Variants in TRIM63 observed in about 807,000 individuals in gnomAD.
TRIM63 encodes the protein tripartite motif containing 63.
In TRIM63, 48 loss-of-function variants were observed where a neutral mutation model predicts 46.0. The ratio of observed to expected loss-of-function variants is 1.04; its 90% CI spans 0.83 to 1.33. The LOEUF (loss-of-function observed/expected upper bound fraction) is 1.33. TRIM63 is among the 40% of genes most tolerant of loss of function. The probability of loss-of-function intolerance (pLI) is 0.00; values close to 1 mark genes in which losing one functional copy is unlikely to be tolerated. For missense variants in TRIM63, 455 were observed against 441.2 expected (o/e 1.03, Z -0.28); for synonymous variants, 175 against 162.8 (o/e 1.08, Z -0.57).
intron 3 of TRIM63, among the ~76,000 whole-genome samples, chr1:26,060,911 G>T (rs2050618031): frequency 6.6e-6 from 1 of 152,168 alleles, no homozygotes; most frequent in Non-Finnish European, 1.5e-5. Context: ...GACCCCAGTG[G>T]CCTGGCTGGG....
intron 6 of TRIM63, 106 bp from the exon 7 acceptor site, chr1:26,057,433 C>A: frequency 6.8e-7 from 1 of 1,473,312 alleles, no homozygotes. Flanking sequence ...CAGAGGCTCC[C>A]CTGGAGGGAT....
At chr1:26,060,604 C>A (rs555762751) in intron 3 of TRIM63, among the ~76,000 whole-genome samples, 2 of 152,258 alleles carry the variant, frequency 1.3e-5, no homozygotes, top group South Asian at 4.1e-4. Flanking sequence ...AAACACACAG[C>A]AAGGAACTGA....
In TRIM63 at chr1:26,066,456, G is replaced by A. The variant is rs2050679363; in HGVS notation, c.160-16C>T. The A allele has an allele frequency of 6.4e-7, 1 of 1,557,068 alleles. No homozygotes were observed. Among genetic ancestry groups the A allele is most frequent in the Non-Finnish European group, 8.7e-7 (1 of 1,150,608 alleles). On this transcript the variant is annotated splice_polypyrimidine_tract_variant and intron_variant, in intron 1 of 8. Transcript: ENST00000374272. ...GATTTGCAGCCTGCAGGTGGCAAAG[G>A]TCAAGGTGAGGCCTGGGCTCCCTAC... is the stretch of plus-strand genomic sequence containing the variant.
chr1:26,062,752 G>A (rs1177363521), intron 2 of TRIM63, among the ~76,000 whole-genome samples: 1 of 152,058 alleles, frequency 6.6e-6, no homozygotes, highest in Admixed American at 6.6e-5. Flanking sequence ...TAGATTCATT[G>A]GGGCCTGGGG....
At position 26,058,399 on chromosome 1, in the gene TRIM63, G is replaced by A. The variant is rs372439681; in HGVS notation, c.822C>T (p.Thr274=). The A allele has an allele frequency of 1.9e-5, 31 of 1,614,002 alleles. No homozygotes were observed. In the African/African-American group the frequency reaches 4.0e-4, roughly 21 times the overall value. The part of the protein sequence containing the change: ...IQSLDEPGGA[T]FLLTAKQLIK... Reference sequence around the variant, plus strand: ...TTCTAGTCCTGCTCACCAAGAGGAAGGTGGCTCCCCCAGGCTCGTCCAGGG... The same window carrying A: ...TTCTAGTCCTGCTCACCAAGAGGAAAGTGGCTCCCCCAGGCTCGTCCAGGG... The change falls in exon 5 of 9, where the codon ACC becomes ACT. Residue 274 remains threonine, a synonymous_variant. Transcript: ENST00000374272.
At chr1:26,067,287 G>T in intron 1 of TRIM63, 49 bp downstream of exon 1, 1 of 1,603,302 alleles carries the variant, frequency 6.2e-7, no homozygotes, top group Non-Finnish European at 8.5e-7. Flanking sequence ...TCACAGGGAA[G>T]CCAAGTAGCC....
At chr1:26,062,101 C>G (rs1407078669) in intron 2 of TRIM63, among the ~76,000 whole-genome samples, 1 of 152,016 alleles carries the variant, frequency 6.6e-6, no homozygotes, top group Non-Finnish European at 1.5e-5. Context: ...AACCCCGTCT[C>G]TACTAAAAAC....
At chr1:26,062,405 A>C in intron 2 of TRIM63, among the ~76,000 whole-genome samples, 1 of 152,364 alleles carries the variant, frequency 6.6e-6, no homozygotes, top group Non-Finnish European at 1.5e-5. Context: ...TATTCACCAC[A>C]GAGTCAGTCA....
chr1:26,064,014 G>A (rs186021019), intron 2 of TRIM63, among the ~76,000 whole-genome samples: 8 of 152,320 alleles, frequency 5.3e-5, no homozygotes, highest in Admixed American at 2.0e-4. Context: ...TTCACCGGCC[G>A]GCCAGGCGCG....
At position 26,061,319 on chromosome 1, in the gene TRIM63, C is replaced by T. The variant is rs2050624225; in HGVS notation, c.348G>A (p.Lys116=). 4 of 1,614,078 alleles carry T rather than the reference C, an allele frequency of 2.5e-6. No individual in the cohort carries two copies. Among genetic ancestry groups the T allele is most frequent in the African/African-American group, 1.3e-5 (1 of 75,040 alleles). Residue 116 remains lysine, a synonymous_variant, in exon 3 of 9, where the codon AAG becomes AAA. Coordinates refer to ENST00000374272, the MANE Select transcript of TRIM63 (RefSeq NM_032588.4). ...KQECSSRPLQ[K]GSHPMCKEHE... is the part of the protein sequence containing the mutation. ...GCTCCTTGCACATGGGGTGACTGCC[C>T]TTCTGCAGCGGCCGACTGCAGTGGA...
chr1:26,061,828 C>T (rs1406768579), intron 2 of TRIM63, among the ~76,000 whole-genome samples: 1 of 152,222 alleles, frequency 6.6e-6, no homozygotes, highest in Non-Finnish European at 1.5e-5. Flanking sequence ...GAAATTTATA[C>T]TGATGGCCTC....
chr1:26,064,105 G>A (rs1023276725), intron 2 of TRIM63, among the ~76,000 whole-genome samples: 1 of 152,164 alleles, frequency 6.6e-6, no homozygotes, highest in Non-Finnish European at 1.5e-5. Context: ...AGACCAGCCC[G>A]GCCAACGTGG....
intron 2 of TRIM63, 152 bp downstream of exon 2, chr1:26,066,116 G>T (rs2124443999): frequency 2.3e-6 from 2 of 871,836 alleles, no homozygotes; most frequent in Non-Finnish European, 3.6e-6. Context: ...TGGGGTGTAT[G>T]GGTCTCCAGT....
intron 4 of TRIM63, 131 bp downstream of exon 4, chr1:26,060,135 G>A: frequency 1.6e-6 from 1 of 644,270 alleles, no homozygotes; most frequent in Non-Finnish European, 2.8e-6. Flanking sequence ...TCCCTCCCCT[G>A]CCATCCCTGC....
rs1402947249 is a variant in TRIM63, at chr1:26,066,330, G to A, written c.270C>T (p.Tyr90=). 12 of 1,614,120 alleles carry A rather than the reference G, an allele frequency of 7.4e-6. No individual in the cohort carries two copies. Among genetic ancestry groups the A allele is most frequent in the East Asian group, 4.5e-5 (2 of 44,880 alleles). The change falls in exon 2 of 9, where the codon TAC becomes TAT. Residue 90 remains tyrosine (Y), a synonymous_variant. Transcript: ENST00000374272. ...CCACCAGCAGGTTCCTCTGCAGGCC[G>A]TACACTCCGTGACGATCCATGATCA... ...HEVIMDRHGV[Y]GLQRNLLVEN... is the part of the protein sequence containing the mutation.
Position 26,051,687 on chromosome 1 carries a change from G to A in TRIM63, c.*186C>T, listed in dbSNP as rs1276244207. On this transcript the variant is annotated 3_prime_UTR_variant, in exon 9 of 9. Transcript: ENST00000374272. ...CGTTTCCAATTCTGGTTCAGTGTCT[G>A]CTGGACGCAGCGGTGAGGGTCCTAC... 3 of 418,194 alleles carry A rather than the reference G, an allele frequency of 7.2e-6. No individual in the cohort carries two copies. Among genetic ancestry groups the A allele is most frequent in the Non-Finnish European group, 4.3e-6 (1 of 232,242 alleles). 25.9% of individuals were successfully genotyped at this position (418,194 alleles called of 1,614,324 possible).
chr1:26,055,936 G>T (rs1466380024), intron 7 of TRIM63, among the ~76,000 whole-genome samples: 1 of 152,188 alleles, frequency 6.6e-6, no homozygotes, highest in Non-Finnish European at 1.5e-5. Context: ...TATGAATGGG[G>T]TATATCTGGG....
In TRIM63 at chr1:26,065,235, T is replaced by G. The variant is rs372515499; in HGVS notation, c.332+1033A>C. Among the ~76,000 whole-genome samples the G allele has an allele frequency of 9.9e-5, 15 of 152,120 alleles. No homozygotes were observed. The East Asian group carries it at 2.9e-3, about 29-fold the overall frequency. On this transcript the variant is annotated intron_variant, in intron 2 of 8. Coordinates refer to ENST00000374272, the MANE Select transcript of TRIM63 (RefSeq NM_032588.4). Reference sequence around the variant, plus strand: ...GACGGGGTTTCACCATGTTGGCCAGTCTGGTCTCCAACTCCTGACCTCGAA... The same window carrying G: ...GACGGGGTTTCACCATGTTGGCCAGGCTGGTCTCCAACTCCTGACCTCGAA...
intron 2 of TRIM63, among the ~76,000 whole-genome samples, chr1:26,065,131 C>A (rs927662350): frequency 6.6e-6 from 1 of 152,102 alleles, no homozygotes; most frequent in Non-Finnish European, 1.5e-5. Flanking sequence ...TCAAGCAATT[C>A]TCCTGCCTCA....
Sources: gnomAD v4.1 joint callset for allele counts (sites outside exome capture counted in the v4.1 genomes callset) on GRCh38, gnomAD v4.1.1 for gene constraint, MANE v1.5 for transcripts, NCBI Gene and HGNC (gene_info 2026-07-23, HGNC 2026-07-21) for gene names.